SEMA4D: variants seen among roughly 807,000 people sequenced by gnomAD.
The protein encoded by SEMA4D is semaphorin-4D.
SEMA4D carries 22 observed loss-of-function variants against 74.8 expected under a neutral mutation model. That is an observed-to-expected ratio of 0.29 (90% CI 0.21 to 0.42). The LOEUF (loss-of-function observed/expected upper bound fraction) is 0.42, where lower values mean the gene tolerates loss of function less well. Ranked by LOEUF, SEMA4D falls within the 10% of genes least tolerant of loss-of-function variation. SEMA4D has a pLI of 1.00. For missense variants in SEMA4D, 937 were observed against 1,118.4 expected, an observed-to-expected ratio of 0.84 and a Z score of 2.31; for synonymous variants, 445 against 463.7, an observed-to-expected ratio of 0.96 and a Z score of 0.52.
At chr9:89,467,710 T>G (rs1859124477) in intron 1 of SEMA4D, among the ~76,000 whole-genome samples, 2 of 151,998 alleles carry the variant, frequency 1.3e-5, no homozygotes, top group African/African-American at 4.8e-5. Context: ...TTTTGTATTT[T>G]TAGTAGAGAC....
chr9:89,390,195 C>T (rs1198128874), intron 9 of SEMA4D, among the ~76,000 whole-genome samples: 5 of 152,176 alleles, frequency 3.3e-5, no homozygotes, highest in African/African-American at 1.2e-4. Flanking sequence ...GGCTCGAGTC[C>T]CCTGGCCAGT....
chr9:89,483,194 C>T (rs370982563), intron 1 of SEMA4D, among the ~76,000 whole-genome samples: 2 of 152,230 alleles, frequency 1.3e-5, no homozygotes, highest in Non-Finnish European at 2.9e-5. Context: ...ACATCCAGGA[C>T]GCAGCCGCTG....
intron 16 of SEMA4D, among the ~76,000 whole-genome samples, chr9:89,370,499 GGT>G (rs937125327): frequency 3.3e-5 from 5 of 150,242 alleles, no homozygotes; most frequent in South Asian, 2.1e-4. Flanking sequence ...AAGGAGGTAT[GGT>G]GTGTGTGTGA....
At chr9:89,440,805 G>A (rs1564797166) in intron 2 of SEMA4D, among the ~76,000 whole-genome samples, 1 of 152,216 alleles carries the variant, frequency 6.6e-6, no homozygotes, top group Non-Finnish European at 1.5e-5. Context: ...TGTGTGTGAT[G>A]ACACACTGTG....
intron 2 of SEMA4D, among the ~76,000 whole-genome samples, chr9:89,425,265 C>A (rs1156780549): frequency 2.6e-5 from 4 of 152,208 alleles, no homozygotes; most frequent in African/African-American, 9.7e-5. Flanking sequence ...CCACTGAAAT[C>A]CTGGCTGTCC....
chr9:89,461,980 C>G (rs76645412), intron 1 of SEMA4D, among the ~76,000 whole-genome samples: 29 of 152,154 alleles, frequency 1.9e-4, no homozygotes, highest in African/African-American at 6.8e-4. Context: ...GGATTACAGG[C>G]ATGAGACACT....
chr9:89,436,240 A>C (rs1211227583), intron 2 of SEMA4D: 1 of 152,256 alleles, frequency 6.6e-6, no homozygotes, highest in Non-Finnish European at 1.5e-5. Flanking sequence ...AACCCCAGTG[A>C]GGGGTGAGAA....
chr9:89,387,585 G>C lies in SEMA4D; in HGVS notation c.1131C>G (p.Ala377=). The change falls in exon 12 of 16, where the codon GCC becomes GCG. Residue 377 remains alanine, a synonymous_variant. Transcript: ENST00000422704. ...PGACIDSEAR[A]ANYTSSLNLP... is the part of the protein sequence containing the mutation. Reference sequence around the variant, plus strand: ...AATTCAAGGAGCTGGTGTAGTTGGCGGCCCGTGCCTCGCTGTCGATGCACT... The same window carrying C: ...AATTCAAGGAGCTGGTGTAGTTGGCCGCCCGTGCCTCGCTGTCGATGCACT... The C allele has an allele frequency of 6.2e-7, 1 of 1,614,172 alleles. No individual in the cohort carries two copies. The highest frequency in any genetic ancestry group is 8.5e-7 in the Non-Finnish European group (1 of 1,180,048).
chr9:89,489,367 G>C (rs1001577365), intron 1 of SEMA4D, among the ~76,000 whole-genome samples: 2 of 152,132 alleles, frequency 1.3e-5, no homozygotes, highest in African/African-American at 4.8e-5. Flanking sequence ...TAAAATACTC[G>C]TAAGATAAAA....
intron 2 of SEMA4D, among the ~76,000 whole-genome samples, chr9:89,433,163 C>T (rs1849629146): frequency 6.6e-6 from 1 of 152,218 alleles, no homozygotes; most frequent in African/African-American, 2.4e-5. Flanking sequence ...ACCTCACTGT[C>T]TATAGCAGGC....
intron 2 of SEMA4D, among the ~76,000 whole-genome samples, chr9:89,414,507 T>C (rs1225115730): frequency 6.6e-6 from 1 of 152,172 alleles, no homozygotes; most frequent in African/African-American, 2.4e-5. Context: ...GCCCTGCCAG[T>C]ACCTGGCCAC....
intron 2 of SEMA4D, among the ~76,000 whole-genome samples, chr9:89,447,967 T>C (rs1440230475): frequency 1.3e-5 from 2 of 152,200 alleles, no homozygotes; most frequent in Non-Finnish European, 2.9e-5. Flanking sequence ...CTCTGCTTTA[T>C]GTATTTATTT....
chr9:89,407,762 G>C (rs1248443361), intron 2 of SEMA4D, among the ~76,000 whole-genome samples: 1 of 152,158 alleles, frequency 6.6e-6, no homozygotes, highest in Non-Finnish European at 1.5e-5. Flanking sequence ...GCACTGTCCT[G>C]GCTACACCTG....
At chr9:89,380,992 C>G in intron 15 of SEMA4D, 63 bp downstream of exon 15, 1 of 1,586,702 alleles carries the variant, frequency 6.3e-7, no homozygotes, top group Non-Finnish European at 8.7e-7. Context: ...AACTGAAGCA[C>G]CGTGAAATGG....
chr9:89,424,444 C>A (rs920453043), intron 2 of SEMA4D, among the ~76,000 whole-genome samples: 2 of 152,154 alleles, frequency 1.3e-5, no homozygotes, highest in Admixed American at 1.3e-4. Context: ...TTTCTAAAGC[C>A]CACGACCACA....
chr9:89,388,668 T>C lies in SEMA4D; in HGVS notation c.1075A>G (p.Asn359Asp). The change falls in exon 11 of 16, where the codon AAT becomes GAT. Residue 359 changes from asparagine (N) to aspartate (D), a missense_variant. Asn to Asp is a conservative substitution (Grantham distance 23). Transcript: ENST00000422704. ...GGCCGCGGCTTGGGTACCGGGCCAT[T>C]ATAGCGCACCCACTTGGTGTGGGAC... The part of the protein sequence containing the change: ...EQSHTKWVRY[N>D]GPVPKPRPGA... 6.2e-7 allele frequency: 1 copy of C among 1,603,504 alleles called. No individual in the cohort carries two copies. Among genetic ancestry groups the C allele is most frequent in the Non-Finnish European group, 8.5e-7 (1 of 1,178,262 alleles).
intron 1 of SEMA4D, among the ~76,000 whole-genome samples, chr9:89,481,799 G>C (rs897063994): frequency 2.6e-5 from 4 of 152,246 alleles, no homozygotes; most frequent in African/African-American, 4.8e-5. Flanking sequence ...TGAGCAGGGG[G>C]CCCCAGGGCC....
downstream of SEMA4D, chr9:89,376,717 C>T (rs1366517697): frequency 1.4e-6 from 2 of 1,395,614 alleles, no homozygotes; most frequent in Non-Finnish European, 1.9e-6. Flanking sequence ...GCAGCCAGGA[C>T]AGATAAGGAA....
rs1235955937 is a variant in SEMA4D, at chr9:89,492,317, C to T, written c.-310+5602G>A. Among the ~76,000 whole-genome samples, 2 of 152,182 alleles carry T rather than the reference C, an allele frequency of 1.3e-5. No individual in the cohort carries two copies. Among genetic ancestry groups the T allele is most frequent in the Admixed American group, 6.5e-5 (1 of 15,284 alleles). On this transcript the variant is annotated intron_variant, in intron 1 of 15. Coordinates refer to ENST00000422704, the MANE Select transcript of SEMA4D (RefSeq NM_001371194.2). The surrounding 1 kb of genome is among the most constrained non-coding windows in gnomAD (Gnocchi z 4.3). ...AGAACCCTCTGGTTATCCCCTACCTCGCTGGCCGCACCTTCTTGGTTTCTT... is the reference window on the plus strand; with the variant it reads ...AGAACCCTCTGGTTATCCCCTACCTTGCTGGCCGCACCTTCTTGGTTTCTT...
Sources: allele counts gnomAD v4.1 joint callset (sites outside exome capture counted in the v4.1 genomes callset), GRCh38; gene constraint gnomAD v4.1.1; non-coding constraint Gnocchi (gnomAD v3.1); transcripts MANE v1.5; gene names NCBI Gene and HGNC (gene_info 2026-07-23, HGNC 2026-07-21).